Variants in RMND1 observed in about 807,000 individuals in gnomAD.
The protein encoded by RMND1 is required for meiotic nuclear division 1 homolog, also known as required for meiotic nuclear division protein 1 homolog.
RMND1 carries 41 observed loss-of-function variants against 54.0 expected under a neutral mutation model. The ratio of observed to expected loss-of-function variants is 0.76; its 90% confidence interval spans 0.59 to 0.98. The LOEUF (loss-of-function observed/expected upper bound fraction) is 0.98. Among genes scored for constraint, RMND1 ranks in the 50% least tolerant of loss-of-function variants. RMND1 has a pLI of 0.00. For synonymous variants in RMND1, 183 were observed against 181.7 expected, an observed-to-expected ratio of 1.01 and a Z score of -0.06; for missense variants, 457 against 532.0, an observed-to-expected ratio of 0.86 and a Z score of 1.39.
At chr6:151,416,377 T>C (rs982446621) in intron 10 of RMND1, among the ~76,000 whole-genome samples, 2 of 151,808 alleles carry the variant, frequency 1.3e-5, no homozygotes, top group Non-Finnish European at 2.9e-5. Context: ...AATTTTCTGT[T>C]TTCTATGCTC....
chr6:151,450,456 G>GGTTAGCCCCCCGCCCA (rs1364661229), intron 1 of RMND1, among the ~76,000 whole-genome samples: 1 of 51,722 alleles, frequency 1.9e-5, no homozygotes, highest in African/African-American at 2.1e-4. Flanking sequence ...GAGGTGGGGG[G>GGTTAGCCCCCCGCCCA]GCCAGCCCCC....
At chr6:151,444,973 G>T (rs566040833) in intron 2 of RMND1, 61 of 198,070 alleles carry the variant, frequency 3.1e-4, no homozygotes, top group South Asian at 1.1e-3. Context: ...TTTCTAGTTT[G>T]TTTTTTTTTA....
In RMND1 at chr6:151,433,114, C is replaced by T. The variant is rs1780491803; in HGVS notation, c.689+41G>A. 4.5e-6 allele frequency: 6 copies of T among 1,331,028 alleles called. No homozygotes were observed. In the South Asian group the frequency reaches 6.1e-5, roughly 13 times the overall value. 82.5% of individuals were successfully genotyped at this position (1,331,028 alleles called of 1,614,324 possible). On this transcript the variant is annotated intron_variant, in intron 4 of 11. Transcript: ENST00000444024. ...CTTTAAAGACCACAATTACTTGACCCAAACCCATCATCACCTAATGGGGTT... is the reference window on the plus strand; with the variant it reads ...CTTTAAAGACCACAATTACTTGACCTAAACCCATCATCACCTAATGGGGTT...
intron 2 of RMND1, among the ~76,000 whole-genome samples, chr6:151,439,013 C>T (rs1291510236): frequency 9.2e-5 from 14 of 152,082 alleles, no homozygotes; most frequent in Admixed American, 9.2e-4. Context: ...ACTTGGGAGG[C>T]CAAGGCAGGA....
At chr6:151,436,652 A>G (rs756396697) in intron 2 of RMND1, 98 bp from the exon 3 acceptor site, 20 of 1,171,674 alleles carry the variant, frequency 1.7e-5, no homozygotes, top group Non-Finnish European at 2.3e-5. Flanking sequence ...GCAAAGCTAG[A>G]ACTCCAGAAT....
At chr6:151,423,187 C>T (rs1261947492) in intron 7 of RMND1, among the ~76,000 whole-genome samples, 1 of 152,114 alleles carries the variant, frequency 6.6e-6, no homozygotes, top group Non-Finnish European at 1.5e-5. Context: ...GACCTGTGCC[C>T]AGTCACACAA....
At chr6:151,445,970 T>A in intron 1 of RMND1, 145 bp from the exon 2 acceptor site, 1 of 753,820 alleles carries the variant, frequency 1.3e-6, no homozygotes, top group Non-Finnish European at 2.0e-6. Context: ...AGAACAAGGT[T>A]AAAAATATAA....
At chr6:151,445,258 G>A in intron 2 of RMND1, 50 bp downstream of exon 2, 1 of 1,553,066 alleles carries the variant, frequency 6.4e-7, no homozygotes, top group Non-Finnish European at 8.7e-7. Flanking sequence ...CACTGGTTTA[G>A]CATGAGCAAT....
intron 4 of RMND1, among the ~76,000 whole-genome samples, chr6:151,431,249 TCAAGCAGTGGG>T (rs1276111838): frequency 6.6e-6 from 1 of 151,858 alleles, no homozygotes. Context: ...GCAGATGTGG[TCAAGCAGTGGG>T]CAAGCAGGAT....
At chr6:151,420,250 T>C (rs1428385360) in intron 9 of RMND1, among the ~76,000 whole-genome samples, 2 of 152,184 alleles carry the variant, frequency 1.3e-5, no homozygotes, top group African/African-American at 4.8e-5. Flanking sequence ...GCTTCAGATA[T>C]GCTGCAGGAT....
chr6:151,426,510 TC>T, intron 6 of RMND1, among the ~76,000 whole-genome samples: 1 of 152,162 alleles, frequency 6.6e-6, no homozygotes, highest in South Asian at 2.1e-4. Flanking sequence ...TCACTATACT[TC>T]CTTTTCATAC....
chr6:151,447,800 TGAGTA>T (rs1359430369), intron 1 of RMND1, among the ~76,000 whole-genome samples: 3 of 148,892 alleles, frequency 2.0e-5, no homozygotes, highest in African/African-American at 7.5e-5. Context: ...TTATTCTCTT[TGAGTA>T]AATTCTTTTT....
chr6:151,415,246 C>A (rs923651279), intron 10 of RMND1, among the ~76,000 whole-genome samples: 1 of 150,724 alleles, frequency 6.6e-6, no homozygotes, highest in Non-Finnish European at 1.5e-5. Flanking sequence ...ATTATAAATA[C>A]GGAAGGGTAA....
At chr6:151,450,422 C>A (rs1263911428) in intron 1 of RMND1, among the ~76,000 whole-genome samples, 5 of 123,678 alleles carry the variant, frequency 4.0e-5, no homozygotes, top group Admixed American at 2.8e-4. Context: ...GCCCCCCGCC[C>A]GGCCAGCCAC....
At chr6:151,406,265 G>C (rs1024828053) in intron 10 of RMND1, among the ~76,000 whole-genome samples, 8 of 152,164 alleles carry the variant, frequency 5.3e-5, no homozygotes, top group African/African-American at 1.9e-4. Context: ...AACTGCAACA[G>C]TTCTGCATTC....
intron 9 of RMND1, among the ~76,000 whole-genome samples, chr6:151,418,753 T>C (rs989017735): frequency 1.3e-5 from 2 of 152,164 alleles, no homozygotes; most frequent in African/African-American, 4.8e-5. Context: ...ATTTCTACAT[T>C]TTAATATAAG....
chr6:151,407,101 C>T (rs547846661), intron 10 of RMND1, among the ~76,000 whole-genome samples: 10 of 152,072 alleles, frequency 6.6e-5, no homozygotes, highest in Admixed American at 6.6e-4. Context: ...CTGCAATGAG[C>T]CAAGATCATG....
At chr6:151,405,591 GT>G (rs1337960390) in intron 11 of RMND1, 128 bp downstream of exon 11, 3 of 631,308 alleles carry the variant, frequency 4.8e-6, no homozygotes, top group Non-Finnish European at 5.6e-6. Flanking sequence ...TCCAAATAGA[GT>G]TAGTAATGAT....
At chr6:151,449,060 CAAAAAAAAAAA>C (rs71014585) in intron 1 of RMND1, among the ~76,000 whole-genome samples, 18 of 18,678 alleles carry the variant, frequency 9.6e-4, no homozygotes, top group East Asian at 5.8e-3. Context: ...GACTCTGTCT[CAAAAAAAAAAA>C]AAAAAAAAAA....
Sources: allele counts gnomAD v4.1 joint callset (sites outside exome capture counted in the v4.1 genomes callset), GRCh38; gene constraint gnomAD v4.1.1; transcripts MANE v1.5; gene names NCBI Gene and HGNC (gene_info 2026-07-23, HGNC 2026-07-21).